The following STXBP5L variants were observed in gnomAD, a reference collection of about 807,000 sequenced individuals.
The protein encoded by STXBP5L is syntaxin-binding protein 5-like.
In STXBP5L, 65 loss-of-function variants were observed where a neutral mutation model predicts 144.5. The ratio of observed to expected loss-of-function variants is 0.45; its 90% confidence interval spans 0.37 to 0.55. The LOEUF (loss-of-function observed/expected upper bound fraction) is 0.55, where lower values mean the gene tolerates loss of function less well. STXBP5L is among the 20% of genes least tolerant of loss of function. The probability of loss-of-function intolerance (pLI) is 0.00; values close to 1 mark genes in which losing one functional copy is unlikely to be tolerated. For missense variants in STXBP5L, 1,298 were observed against 1,405.5 expected (o/e 0.92, Z 1.22); for synonymous variants, 505 against 469.6 (o/e 1.08, Z -0.97).
At chr3:121,108,593 G>A (rs1370539444) in intron 5 of STXBP5L, among the ~76,000 whole-genome samples, 1 of 152,042 alleles carries the variant, frequency 6.6e-6, no homozygotes, top group East Asian at 1.9e-4. Flanking sequence ...TAAACTTTTT[G>A]ATGTGCTGTT....
intron 20 of STXBP5L, among the ~76,000 whole-genome samples, chr3:121,362,886 T>G (rs993232038): frequency 6.6e-6 from 1 of 152,128 alleles, no homozygotes; most frequent in African/African-American, 2.4e-5. Flanking sequence ...TCCAAGGCCC[T>G]TAACATTGCA....
At position 121,241,023 on chromosome 3, in the gene STXBP5L, G is replaced by C. The variant is rs1486880133; in HGVS notation, c.1400+516G>C. 2.0e-5 allele frequency among the ~76,000 whole-genome samples: 3 copies of C among 152,264 alleles called. No individual in the cohort carries two copies. The East Asian group carries it at 5.8e-4, about 29-fold the overall frequency. Reference sequence around the variant, plus strand: ...TAAGGGATCTGCTAATGGGAAGATAGAGTAAATATATTTTTTCCTATTCTT... The same window carrying C: ...TAAGGGATCTGCTAATGGGAAGATACAGTAAATATATTTTTTCCTATTCTT... On this transcript the variant is annotated intron_variant, in intron 14 of 26. Coordinates refer to ENST00000471454, the MANE Select transcript of STXBP5L (RefSeq NM_001308330.2).
intron 5 of STXBP5L, among the ~76,000 whole-genome samples, chr3:121,096,944 A>T (rs2043161400): frequency 6.6e-6 from 1 of 152,192 alleles, no homozygotes; most frequent in Non-Finnish European, 1.5e-5. Flanking sequence ...TTGTGCCCAC[A>T]GCAGCCCCTT....
intron 20 of STXBP5L, among the ~76,000 whole-genome samples, chr3:121,378,318 C>G (rs1341477140): frequency 6.6e-6 from 1 of 152,044 alleles, no homozygotes; most frequent in Non-Finnish European, 1.5e-5. Context: ...CACATGTATC[C>G]CAGAACTTAA....
At chr3:121,190,453 C>T (rs1178661094) in intron 9 of STXBP5L, among the ~76,000 whole-genome samples, 1 of 152,212 alleles carries the variant, frequency 6.6e-6, no homozygotes, top group African/African-American at 2.4e-5. Flanking sequence ...ATGTCTACCC[C>T]CTTCAACACA....
intron 5 of STXBP5L, among the ~76,000 whole-genome samples, chr3:121,052,294 A>G (rs1283752197): frequency 6.6e-6 from 1 of 152,168 alleles, no homozygotes; most frequent in Non-Finnish European, 1.5e-5. Flanking sequence ...CATAACCAAA[A>G]AAGAGAATTT....
chr3:121,159,141 A>G (rs2046223024), intron 9 of STXBP5L, among the ~76,000 whole-genome samples: 1 of 151,934 alleles, frequency 6.6e-6, no homozygotes, highest in Admixed American at 6.6e-5. Flanking sequence ...ATTTTCTAAA[A>G]TAAAACTTTT....
At chr3:121,189,863 A>T (rs371648419) in intron 9 of STXBP5L, among the ~76,000 whole-genome samples, 1 of 152,228 alleles carries the variant, frequency 6.6e-6, no homozygotes, top group African/African-American at 2.4e-5. Context: ...AATAAAAAGT[A>T]TGTATTCACT....
intron 7 of STXBP5L, among the ~76,000 whole-genome samples, chr3:121,149,836 G>A (rs1383541487): frequency 1.3e-5 from 2 of 151,878 alleles, no homozygotes; most frequent in African/African-American, 4.8e-5. Context: ...GAATAAGGTG[G>A]CTCATTATTT....
intron 3 of STXBP5L, among the ~76,000 whole-genome samples, chr3:121,032,573 G>A (rs940151551): frequency 2.0e-5 from 3 of 147,200 alleles, no homozygotes; most frequent in Admixed American, 6.9e-5. Context: ...TGACAAATGG[G>A]ATCTAATTAA....
intron 20 of STXBP5L, among the ~76,000 whole-genome samples, chr3:121,339,193 C>A (rs959317192): frequency 6.6e-6 from 1 of 151,970 alleles, no homozygotes; most frequent in African/African-American, 2.4e-5. Context: ...AAACTAAACC[C>A]AACAGCACAT....
chr3:121,269,859 G>A (rs1276902629), intron 18 of STXBP5L, among the ~76,000 whole-genome samples: 2 of 152,124 alleles, frequency 1.3e-5, no homozygotes, highest in Admixed American at 1.3e-4. Context: ...AGTACTAATG[G>A]AGAATGGTCT....
intron 5 of STXBP5L, among the ~76,000 whole-genome samples, chr3:121,063,568 A>C (rs539639398): frequency 6.6e-6 from 1 of 152,210 alleles, no homozygotes; most frequent in South Asian, 2.1e-4. Context: ...AGGAATGTTT[A>C]AGTCTGCTGA....
At chr3:121,355,770 C>T (rs759143109) in intron 20 of STXBP5L, among the ~76,000 whole-genome samples, 20 of 152,186 alleles carry the variant, frequency 1.3e-4, no homozygotes, top group Non-Finnish European at 2.4e-4. Flanking sequence ...AAGAGGCACT[C>T]TGATTTTTCG....
At chr3:121,044,665 T>A (rs536373974) in intron 4 of STXBP5L, among the ~76,000 whole-genome samples, 10 of 152,260 alleles carry the variant, frequency 6.6e-5, no homozygotes, top group African/African-American at 2.2e-4. Flanking sequence ...TCTAACATTT[T>A]AAAATGATCT....
chr3:121,028,165 T>A (rs890301203), intron 3 of STXBP5L, among the ~76,000 whole-genome samples: 9 of 152,224 alleles, frequency 5.9e-5, no homozygotes, highest in African/African-American at 2.2e-4. Context: ...TAATTTGTTT[T>A]CACAGCTGAA....
chr3:121,187,245 T>C (rs2047425712), intron 9 of STXBP5L, among the ~76,000 whole-genome samples: 1 of 152,124 alleles, frequency 6.6e-6, no homozygotes, highest in African/African-American at 2.4e-5. Flanking sequence ...GTTCATGTCC[T>C]TTGTAGGGAC....
At chr3:121,366,998 C>T (rs1346225336) in intron 20 of STXBP5L, among the ~76,000 whole-genome samples, 2 of 152,274 alleles carry the variant, frequency 1.3e-5, no homozygotes, top group African/African-American at 2.4e-5. Flanking sequence ...ACCAGCTTAA[C>T]TTCAATAGCA....
intron 22 of STXBP5L, among the ~76,000 whole-genome samples, chr3:121,385,644 A>G: frequency 6.6e-6 from 1 of 152,162 alleles, no homozygotes; most frequent in Non-Finnish European, 1.5e-5. Context: ...CTACCTAAAT[A>G]GCCTCCATAA....
Sources: gnomAD v4.1 joint callset for allele counts (sites outside exome capture counted in the v4.1 genomes callset) on GRCh38, gnomAD v4.1.1 for gene constraint, MANE v1.5 for transcripts, NCBI Gene and HGNC (gene_info 2026-07-23, HGNC 2026-07-21) for gene names.